The following CSMD3 variants were observed in gnomAD, a reference collection of about 807,000 sequenced individuals.
The protein encoded by CSMD3 is CUB and sushi domain-containing protein 3.
A neutral mutation model predicts 435.2 loss-of-function variants in CSMD3; 177 were observed. The observed-to-expected ratio is 0.41, with a 90% CI of 0.36 to 0.46. CSMD3 has a LOEUF of 0.46. Among genes scored for constraint, CSMD3 ranks in the 20% least tolerant of loss-of-function variants. The probability of loss-of-function intolerance (pLI) is 0.34; values close to 1 mark genes in which losing one functional copy is unlikely to be tolerated. For missense variants in CSMD3, 4,265 were observed against 4,504.6 expected, an observed-to-expected ratio of 0.95 and a Z score of 1.52; for synonymous variants, 1,656 against 1,520.5, an observed-to-expected ratio of 1.09 and a Z score of -2.07.
intron 32 of CSMD3, among the ~76,000 whole-genome samples, chr8:112,455,456 G>A (rs1299219217): frequency 2.0e-5 from 3 of 151,866 alleles, no homozygotes; most frequent in Non-Finnish European, 2.9e-5. Context: ...TACCTATTGG[G>A]TATTATGTTT....
intron 28 of CSMD3, among the ~76,000 whole-genome samples, chr8:112,507,779 G>A (rs955693819): frequency 2.6e-5 from 4 of 152,162 alleles, no homozygotes; most frequent in South Asian, 2.1e-4. Context: ...TCATCACTAC[G>A]GTTTGGTAAT....
intron 1 of CSMD3, among the ~76,000 whole-genome samples, chr8:113,414,975 C>T (rs531745366): frequency 3.3e-5 from 5 of 151,722 alleles, no homozygotes; most frequent in East Asian, 1.9e-4. Flanking sequence ...AAACAAAAAA[C>T]GAAAAACAAA....
At chr8:112,468,884 T>C (rs1019216984) in intron 32 of CSMD3, among the ~76,000 whole-genome samples, 2 of 151,954 alleles carry the variant, frequency 1.3e-5, no homozygotes, top group Non-Finnish European at 2.9e-5. Context: ...ATAAAACAAG[T>C]AGAATCCTGC....
chr8:113,228,884 G>A (rs2093055431), intron 3 of CSMD3, among the ~76,000 whole-genome samples: 1 of 151,480 alleles, frequency 6.6e-6, no homozygotes, highest in African/African-American at 2.4e-5. Context: ...AGGCCTCAAA[G>A]CATTTTCTTC....
At chr8:112,715,509 G>A (rs2076704829) in intron 13 of CSMD3, among the ~76,000 whole-genome samples, 2 of 152,252 alleles carry the variant, frequency 1.3e-5, no homozygotes, top group Non-Finnish European at 2.9e-5. Flanking sequence ...AGAGGAGCTG[G>A]TACCATTCCT....
intron 5 of CSMD3, among the ~76,000 whole-genome samples, chr8:113,081,055 T>C (rs530344463): frequency 6.6e-6 from 1 of 152,294 alleles, no homozygotes; most frequent in Admixed American, 6.5e-5. Flanking sequence ...CTTTGAATAC[T>C]TGGAAAAATA....
At chr8:112,690,101 T>C (rs775327455) in intron 13 of CSMD3, 51 bp from the exon 14 acceptor site, 55 of 1,299,940 alleles carry the variant, frequency 4.2e-5, no homozygotes, top group African/African-American at 3.2e-4. Flanking sequence ...AGGCATATGA[T>C]ACCCATAATA....
intron 59 of CSMD3, among the ~76,000 whole-genome samples, chr8:112,268,001 C>G (rs1817112736): frequency 6.6e-6 from 1 of 151,944 alleles, no homozygotes; most frequent in Non-Finnish European, 1.5e-5. Context: ...TAGTGCTTCA[C>G]CCTAAAATTC....
intron 4 of CSMD3, among the ~76,000 whole-genome samples, chr8:113,099,171 A>C (rs1311955790): frequency 3.3e-5 from 5 of 152,102 alleles, no homozygotes; most frequent in African/African-American, 1.2e-4. Flanking sequence ...TATCTTAACA[A>C]TTTTATAACA....
chr8:112,972,574 A>T (rs76195359), intron 7 of CSMD3, among the ~76,000 whole-genome samples: 7,048 of 151,696 alleles, frequency 0.046, 225 homozygotes, highest in Non-Finnish European at 0.069. Flanking sequence ...GCCTTTATTT[A>T]AAAAAAACTG....
chr8:113,007,136 C>T lies in CSMD3; in HGVS notation c.1030+11931G>A, dbSNP rs186506986. 1.2e-4 allele frequency among the ~76,000 whole-genome samples: 19 copies of T among 152,002 alleles called. No individual in the cohort carries two copies. In the South Asian group the frequency reaches 2.3e-3, roughly 18 times the overall value. On this transcript the variant is annotated intron_variant, in intron 6 of 70. Coordinates refer to ENST00000297405, the MANE Select transcript of CSMD3 (RefSeq NM_198123.2). ...TATAGGCTTCCTCTGGACGACAAGG[C>T]CCAGGAAGGGAGACCGTAAAGAAAA...
At chr8:112,257,575 G>C (rs371127974) in intron 61 of CSMD3, among the ~76,000 whole-genome samples, 51 of 152,246 alleles carry the variant, frequency 3.3e-4, no homozygotes, top group African/African-American at 1.2e-3. Context: ...AACTTACAAG[G>C]GATGTGAAGG....
intron 10 of CSMD3, among the ~76,000 whole-genome samples, chr8:112,896,972 A>G (rs1243686849): frequency 6.6e-6 from 1 of 151,318 alleles, no homozygotes; most frequent in Non-Finnish European, 1.5e-5. Context: ...CTGGCTTTCT[A>G]ATTTCTTCAC....
At chr8:112,704,452 G>T (rs531904428) in intron 13 of CSMD3, among the ~76,000 whole-genome samples, 2 of 152,124 alleles carry the variant, frequency 1.3e-5, no homozygotes, top group Non-Finnish European at 2.9e-5. Context: ...CTCTTAGATC[G>T]CAAATTTACA....
chr8:112,964,884 A>G (rs1013969539), intron 7 of CSMD3, among the ~76,000 whole-genome samples: 5 of 151,960 alleles, frequency 3.3e-5, no homozygotes, highest in African/African-American at 1.2e-4. Context: ...ATCCTACGCA[A>G]TGCACCCTAA....
chr8:112,265,575 T>C lies in CSMD3; in HGVS notation c.9524A>G (p.Asp3175Gly), dbSNP rs761591708. 1 of 1,612,570 alleles carries C rather than the reference T, an allele frequency of 6.2e-7. No homozygotes were observed. Among genetic ancestry groups the C allele is most frequent in the South Asian group, 1.1e-5 (1 of 91,050 alleles). ...LPNCTIISCG[D>G]PGIPANGLRY... ...CAGTCCATTGGCTGGTATACCTGGG[T>C]CTCCACAACTGATTACTGTCAGTAT... The change falls in exon 60 of 71, where the codon GAC (aspartate) becomes GGC (glycine). Residue 3175 changes from aspartate (D) to glycine (G), a missense_variant. Physicochemically the swap from Asp to Gly is moderately conservative, Grantham distance 94 (BLOSUM62 -1). Around this residue, in one of 3 missense-constraint regions of CSMD3, gnomAD observed 3,255 missense variants for 3,380.2 expected, o/e 0.96. Transcript: ENST00000297405.
chr8:112,335,510 A>G (rs767677730), intron 44 of CSMD3, 36 bp from the exon 45 acceptor site: 1 of 1,598,986 alleles, frequency 6.3e-7, no homozygotes, highest in Non-Finnish European at 8.6e-7. Context: ...GGAGAGATCA[A>G]GATTGATTGT....
At chr8:113,244,717 T>A (rs866551539) in intron 3 of CSMD3, among the ~76,000 whole-genome samples, 1 of 152,168 alleles carries the variant, frequency 6.6e-6, no homozygotes, top group Non-Finnish European at 1.5e-5. Context: ...TTTTTCTTCA[T>A]TGAGTTGTTT....
chr8:112,936,111 C>T (rs966701776), intron 9 of CSMD3, among the ~76,000 whole-genome samples: 16 of 152,062 alleles, frequency 1.1e-4, no homozygotes, highest in Admixed American at 8.5e-4. Context: ...TTGTCACAGA[C>T]TTCCTCGCTT....
Sources: gnomAD v4.1 joint callset for allele counts (sites outside exome capture counted in the v4.1 genomes callset) on GRCh38, gnomAD v4.1.1 for gene constraint, gnomAD v4.1.1 regional missense constraint, MANE v1.5 for transcripts, NCBI Gene and HGNC (gene_info 2026-07-23, HGNC 2026-07-21) for gene names.